The following ANTXR2 variants were observed in gnomAD, a reference collection of about 807,000 sequenced individuals.
ANTXR2 encodes the protein anthrax toxin receptor 2.
ANTXR2 carries 44 observed loss-of-function variants against 73.7 expected under a neutral mutation model. The ratio of observed to expected loss-of-function variants is 0.60; its 90% CI spans 0.47 to 0.77. The LOEUF (loss-of-function observed/expected upper bound fraction) is 0.77. Ranked by LOEUF, ANTXR2 falls within the 30% of genes least tolerant of loss-of-function variation. ANTXR2 has a pLI of 0.00. For missense variants in ANTXR2, 604 were observed against 592.5 expected, an observed-to-expected ratio of 1.02 and a Z score of -0.20; for synonymous variants, 217 against 205.9, an observed-to-expected ratio of 1.05 and a Z score of -0.46.
At chr4:80,068,101 T>C (rs1017649742) in intron 3 of ANTXR2, among the ~76,000 whole-genome samples, 2 of 152,180 alleles carry the variant, frequency 1.3e-5, no homozygotes, top group Admixed American at 6.5e-5. Context: ...AAAGGAAAAC[T>C]AAAAGCACAA....
chr4:79,924,148 C>G (rs564954969), intron 16 of ANTXR2, among the ~76,000 whole-genome samples: 1 of 152,212 alleles, frequency 6.6e-6, no homozygotes, highest in South Asian at 2.1e-4. Flanking sequence ...TCCTCTCTCC[C>G]TCTCTTCTTT....
chr4:80,057,284 A>C (rs1218549457), intron 3 of ANTXR2, among the ~76,000 whole-genome samples: 1 of 152,026 alleles, frequency 6.6e-6, no homozygotes, highest in East Asian at 1.9e-4. Flanking sequence ...TTATATAGGT[A>C]CATGTGTGTA....
At chr4:79,979,840 C>G (rs1176771108) in intron 14 of ANTXR2, among the ~76,000 whole-genome samples, 2 of 116,136 alleles carry the variant, frequency 1.7e-5, no homozygotes, top group African/African-American at 5.1e-5. Context: ...GTTGTAAAGG[C>G]TCAATTTTAA....
chr4:80,066,479 T>C (rs1734500408), intron 3 of ANTXR2, among the ~76,000 whole-genome samples: 1 of 152,230 alleles, frequency 6.6e-6, no homozygotes, highest in Non-Finnish European at 1.5e-5. Context: ...CAACTATGTA[T>C]AAAACAAGTT....
rs371847710 is a variant in ANTXR2, at chr4:80,071,789, T to C, written c.153-135A>G. Reference sequence around the variant, plus strand: ...TTTTCAAGCTAAGTAAGGGTATCTGTAGCTGAAACTTTGGTGGTACCCAGA... The same window carrying C: ...TTTTCAAGCTAAGTAAGGGTATCTGCAGCTGAAACTTTGGTGGTACCCAGA... On this transcript the variant is annotated intron_variant, in intron 1 of 16. Coordinates refer to ENST00000403729, the MANE Select transcript of ANTXR2 (RefSeq NM_058172.6). 142 of 666,288 alleles carry C rather than the reference T, an allele frequency of 2.1e-4. No individual in the cohort carries two copies. The African/African-American group carries it at 2.3e-3, about 11-fold the overall frequency. 41.3% of individuals were successfully genotyped at this position (666,288 alleles called of 1,614,324 possible).
intron 11 of ANTXR2, among the ~76,000 whole-genome samples, chr4:80,018,064 TCTCGAA>T (rs1358000785): frequency 4.3e-4 from 65 of 152,284 alleles, no homozygotes; most frequent in Middle Eastern, 3.4e-3. Flanking sequence ...GAAGGGTATC[TCTCGAA>T]TTAGTAGATC....
chr4:80,043,249 G>C (rs1733360288), intron 7 of ANTXR2, among the ~76,000 whole-genome samples: 1 of 104,286 alleles, frequency 9.6e-6, no homozygotes, highest in Non-Finnish European at 2.0e-5. Context: ...TCTGATATTT[G>C]GTATAAAATG....
intron 9 of ANTXR2, among the ~76,000 whole-genome samples, chr4:80,033,002 A>C (rs1001757467): frequency 5.3e-5 from 8 of 150,596 alleles, no homozygotes; most frequent in Non-Finnish European, 8.9e-5. Context: ...AACAAGTGAC[A>C]AAAAAAAAGA....
At chr4:80,038,603 T>C (rs895285597) in intron 7 of ANTXR2, among the ~76,000 whole-genome samples, 1 of 152,120 alleles carries the variant, frequency 6.6e-6, no homozygotes, top group African/African-American at 2.4e-5. Flanking sequence ...GTTAGATATA[T>C]CCTGCAGTAA....
chr4:80,052,244 A>G (rs947939028), intron 7 of ANTXR2, among the ~76,000 whole-genome samples: 2 of 151,690 alleles, frequency 1.3e-5, no homozygotes, highest in Admixed American at 1.3e-4. Context: ...TGTGACAGAA[A>G]CACTATATTT....
chr4:80,013,717 T>G (rs192301527), intron 11 of ANTXR2, among the ~76,000 whole-genome samples: 1 of 152,332 alleles, frequency 6.6e-6, no homozygotes, highest in East Asian at 1.9e-4. Context: ...TCAATAGATA[T>G]TTCATACATA....
intron 7 of ANTXR2, among the ~76,000 whole-genome samples, chr4:80,051,179 C>T (rs537245944): frequency 6.6e-6 from 1 of 151,824 alleles, no homozygotes; most frequent in South Asian, 2.1e-4. Context: ...TCACCTTACA[C>T]TATAGGCATA....
At chr4:79,990,828 T>G (rs1314757139) in intron 12 of ANTXR2, among the ~76,000 whole-genome samples, 1 of 152,066 alleles carries the variant, frequency 6.6e-6, no homozygotes, top group Admixed American at 6.6e-5. Flanking sequence ...CATCTGATCT[T>G]CAACAAAGTT....
intron 12 of ANTXR2, among the ~76,000 whole-genome samples, chr4:79,985,928 A>G (rs1392932150): frequency 7.5e-6 from 1 of 132,880 alleles, no homozygotes; most frequent in Non-Finnish European, 1.5e-5. Context: ...TGCAACCTCC[A>G]CCTCCCGGGT....
chr4:80,060,046 C>A (rs145109157), intron 3 of ANTXR2, among the ~76,000 whole-genome samples: 305 of 151,492 alleles, frequency 2.0e-3, no homozygotes, highest in African/African-American at 7.0e-3. Context: ...TCTTAACTTT[C>A]CAGATTTCAA....
At chr4:79,908,432 T>C (rs1241985685) in intron 16 of ANTXR2, among the ~76,000 whole-genome samples, 4 of 152,174 alleles carry the variant, frequency 2.6e-5, no homozygotes, top group Non-Finnish European at 4.4e-5. Context: ...CAACAAAACA[T>C]TGTTGAAGAA....
chr4:80,037,781 G>T (rs558868270), intron 7 of ANTXR2, among the ~76,000 whole-genome samples: 1 of 152,198 alleles, frequency 6.6e-6, no homozygotes, highest in East Asian at 1.9e-4. Context: ...GAAAAGATTT[G>T]CAAAGGAATA....
chr4:80,025,592 A>C (rs1732392578), intron 10 of ANTXR2, among the ~76,000 whole-genome samples: 1 of 152,194 alleles, frequency 6.6e-6, no homozygotes, highest in Admixed American at 6.5e-5. Flanking sequence ...TGGTGACTTA[A>C]GATATTTTGA....
At chr4:79,992,885 C>T (rs919377554) in intron 12 of ANTXR2, among the ~76,000 whole-genome samples, 2 of 151,976 alleles carry the variant, frequency 1.3e-5, no homozygotes, top group African/African-American at 2.4e-5. Context: ...TCTTTTCTCA[C>T]TTCAAATGAC....
Sources: gnomAD v4.1 joint callset for allele counts (sites outside exome capture counted in the v4.1 genomes callset) on GRCh38, gnomAD v4.1.1 for gene constraint, MANE v1.5 for transcripts, NCBI Gene and HGNC (gene_info 2026-07-23, HGNC 2026-07-21) for gene names.